Variants in ERBB4 observed in about 807,000 individuals in gnomAD.
The protein encoded by ERBB4 is receptor tyrosine-protein kinase erbB-4.
In ERBB4, 42 loss-of-function variants were observed where a neutral mutation model predicts 158.0. The observed-to-expected ratio is 0.27, with a 90% CI of 0.21 to 0.34. The LOEUF is 0.34. Among genes scored for constraint, ERBB4 ranks in the 10% least tolerant of loss-of-function variants. ERBB4 has a pLI of 1.00. For missense variants in ERBB4, 1,333 were observed against 1,624.1 expected, an observed-to-expected ratio of 0.82 and a Z score of 3.08; for synonymous variants, 583 against 558.7, an observed-to-expected ratio of 1.04 and a Z score of -0.61.
intron 5 of ERBB4, among the ~76,000 whole-genome samples, chr2:211,738,787 C>T (rs1338052072): frequency 6.6e-6 from 1 of 151,742 alleles, no homozygotes; most frequent in South Asian, 2.1e-4. Flanking sequence ...ATGCGTCAGC[C>T]TCCCAAATAG....
At chr2:211,899,540 G>T (rs2079181053) in intron 3 of ERBB4, among the ~76,000 whole-genome samples, 1 of 152,020 alleles carries the variant, frequency 6.6e-6, no homozygotes, top group African/African-American at 2.4e-5. Flanking sequence ...AATTTTTAAA[G>T]TAATACTTTC....
chr2:211,635,953 G>A (rs1471506694), intron 16 of ERBB4, among the ~76,000 whole-genome samples: 2 of 151,950 alleles, frequency 1.3e-5, no homozygotes, highest in East Asian at 1.9e-4. Flanking sequence ...GCAATTCATA[G>A]TATTGACTAT....
chr2:211,605,444 T>C (rs903098543), intron 19 of ERBB4, among the ~76,000 whole-genome samples: 1 of 152,100 alleles, frequency 6.6e-6, no homozygotes, highest in African/African-American at 2.4e-5. Flanking sequence ...CCACTGTGCA[T>C]CTCATTGCAA....
intron 3 of ERBB4, among the ~76,000 whole-genome samples, chr2:211,877,244 T>C (rs750092325): frequency 6.6e-6 from 1 of 152,216 alleles, no homozygotes; most frequent in Non-Finnish European, 1.5e-5. Flanking sequence ...CTTATTGGAC[T>C]ATGGCAGAAT....
At chr2:211,515,626 C>T (rs916920701) in intron 20 of ERBB4, among the ~76,000 whole-genome samples, 4 of 151,792 alleles carry the variant, frequency 2.6e-5, no homozygotes, top group Non-Finnish European at 5.9e-5. Context: ...AGGTTGCAAA[C>T]TCACTCTGTG....
At chr2:211,471,493 T>G (rs1208435341) in intron 20 of ERBB4, among the ~76,000 whole-genome samples, 1 of 152,068 alleles carries the variant, frequency 6.6e-6, no homozygotes, top group Non-Finnish European at 1.5e-5. Flanking sequence ...TATGTGCTGA[T>G]AAAGCAGCGC....
At chr2:211,528,573 T>A (rs952854972) in intron 20 of ERBB4, among the ~76,000 whole-genome samples, 9 of 151,992 alleles carry the variant, frequency 5.9e-5, no homozygotes, top group Non-Finnish European at 7.4e-5. Context: ...TTCCTCAGCA[T>A]ACAAATTATT....
chr2:211,672,460 A>T (rs2071879399), intron 14 of ERBB4, among the ~76,000 whole-genome samples: 1 of 152,306 alleles, frequency 6.6e-6, no homozygotes, highest in Admixed American at 6.5e-5. Context: ...CTAACTTCAA[A>T]CTATGTAAAT....
At chr2:211,875,040 A>AAAAAAAAAAAAAAAAT (rs2078458710) in intron 3 of ERBB4, among the ~76,000 whole-genome samples, 2 of 146,038 alleles carry the variant, frequency 1.4e-5, no homozygotes, top group Non-Finnish European at 1.5e-5. Flanking sequence ...AAAAAAAAAA[A>AAAAAAAAAAAAAAAAT]AAAAAAAAAA....
At chr2:211,499,524 A>C (rs2065563196) in intron 20 of ERBB4, among the ~76,000 whole-genome samples, 1 of 152,108 alleles carries the variant, frequency 6.6e-6, no homozygotes, top group Non-Finnish European at 1.5e-5. Context: ...TCTGTCTCAG[A>C]AAAACAAAAC....
rs1253404646 is a variant in ERBB4 at position 211,984,913 on chromosome 2, G to C, written c.235-37297C>G. On this transcript the variant is annotated intron_variant, in intron 2 of 27. Transcript: ENST00000342788. The stretch of plus-strand genomic sequence containing the variant: ...AATTTTTTATTTATTTATTTTTTTA[G>C]TGGAGACGGGGTTTCACCATGTTGC... 2.0e-5 allele frequency among the ~76,000 whole-genome samples: 3 copies of C among 151,864 alleles called. No homozygotes were observed. The East Asian group carries it at 5.8e-4, about 29-fold the overall frequency.
At chr2:211,502,135 G>A (rs966804034) in intron 20 of ERBB4, among the ~76,000 whole-genome samples, 1 of 152,126 alleles carries the variant, frequency 6.6e-6, no homozygotes, top group South Asian at 2.1e-4. Context: ...TCTGGACAGT[G>A]TAGTCACTTT....
chr2:211,755,715 A>C (rs2075274536), intron 4 of ERBB4, among the ~76,000 whole-genome samples: 1 of 152,196 alleles, frequency 6.6e-6, no homozygotes, highest in South Asian at 2.1e-4. Context: ...ACTAGAGTCC[A>C]TGAACTGCAT....
At chr2:212,310,476 C>T (rs989609153) in intron 1 of ERBB4, among the ~76,000 whole-genome samples, 1 of 150,520 alleles carries the variant, frequency 6.6e-6, no homozygotes, top group Non-Finnish European at 1.5e-5. Context: ...ATTTTTTACT[C>T]CTTACAGCTT....
At chr2:212,304,956 A>G (rs112287869) in intron 1 of ERBB4, among the ~76,000 whole-genome samples, 2 of 145,066 alleles carry the variant, frequency 1.4e-5, no homozygotes, top group Admixed American at 6.7e-5. Flanking sequence ...GTGTGTGTGT[A>G]TATATATATA....
At chr2:211,760,694 T>C (rs1451783180) in intron 4 of ERBB4, among the ~76,000 whole-genome samples, 1 of 152,196 alleles carries the variant, frequency 6.6e-6, no homozygotes, top group Non-Finnish European at 1.5e-5. Flanking sequence ...TTTTTATACT[T>C]TGGACTTAAA....
At chr2:212,227,053 C>T (rs1457398491) in intron 1 of ERBB4, among the ~76,000 whole-genome samples, 1 of 152,020 alleles carries the variant, frequency 6.6e-6, no homozygotes, top group Non-Finnish European at 1.5e-5. Flanking sequence ...TGAGACCAGC[C>T]TGATCAACAT....
At chr2:211,795,533 A>G (rs1265984306) in intron 3 of ERBB4, among the ~76,000 whole-genome samples, 1 of 151,802 alleles carries the variant, frequency 6.6e-6, no homozygotes, top group Non-Finnish European at 1.5e-5. Flanking sequence ...TTTTTCTTCT[A>G]TATAAAAATC....
intron 17 of ERBB4, 51 bp from the exon 18 acceptor site, chr2:211,624,095 C>G: frequency 1.2e-6 from 2 of 1,605,558 alleles, no homozygotes. Context: ...AGTCAGTCCT[C>G]TCTCTCTGTC....
Sources: allele counts gnomAD v4.1 joint callset (sites outside exome capture counted in the v4.1 genomes callset), GRCh38; gene constraint gnomAD v4.1.1; transcripts MANE v1.5; gene names NCBI Gene and HGNC (gene_info 2026-07-23, HGNC 2026-07-21).